Variants in SMCHD1 observed in about 807,000 individuals in gnomAD.
The protein encoded by SMCHD1 is structural maintenance of chromosomes flexible hinge domain-containing protein 1.
Under a neutral mutation model 254.7 loss-of-function variants are expected in SMCHD1, and 78 were observed. The ratio of observed to expected loss-of-function variants is 0.31; its 90% CI spans 0.26 to 0.37. The LOEUF is 0.37. Ranked by LOEUF, SMCHD1 falls within the 10% of genes least tolerant of loss-of-function variation. SMCHD1 has a pLI of 1.00. For synonymous variants in SMCHD1, 766 were observed against 794.9 expected (o/e 0.96, Z 0.61); for missense variants, 1,840 against 2,408.1 (o/e 0.76, Z 4.94).
At chr18:2,681,884 A>T (rs1431213149) in intron 5 of SMCHD1, among the ~76,000 whole-genome samples, 1 of 152,138 alleles carries the variant, frequency 6.6e-6, no homozygotes, top group Non-Finnish European at 1.5e-5. Context: ...ATGCTACATG[A>T]CCCATGCCGT....
chr18:2,748,629 G>A (rs1290063093), intron 30 of SMCHD1, among the ~76,000 whole-genome samples: 4 of 151,696 alleles, frequency 2.6e-5, no homozygotes, highest in East Asian at 1.9e-4. Context: ...TCTTGACCGC[G>A]GGTGATCCAC....
rs548868367 is a variant in SMCHD1 at position 2,681,222 on chromosome 18, G to C, written c.638+7077G>C. Among the ~76,000 whole-genome samples, 628 of 152,172 alleles carry C rather than the reference G, an allele frequency of 4.1e-3. 4 individuals are homozygous for C. Among genetic ancestry groups the C allele is most frequent in the African/African-American group, 0.015 (607 of 41,516 alleles). ...GAGGTCAGGAGTTCAAGACCAGCCT[G>C]GCCTTCATGGCGAAACGCTGTCTCT... On this transcript the variant is annotated intron_variant, in intron 5 of 47. Transcript: ENST00000320876.
intron 5 of SMCHD1, among the ~76,000 whole-genome samples, chr18:2,680,966 T>A (rs896191432): frequency 2.6e-5 from 4 of 152,158 alleles, no homozygotes; most frequent in African/African-American, 9.7e-5. Flanking sequence ...CAAACCCTTG[T>A]TAAGATATAG....
At chr18:2,789,206 ATTT>A (rs11356663) in intron 45 of SMCHD1, among the ~76,000 whole-genome samples, 2 of 143,936 alleles carry the variant, frequency 1.4e-5, no homozygotes, top group Admixed American at 6.9e-5. Flanking sequence ...TATTATTATT[ATTT>A]TTTTTTTTTT....
At chr18:2,748,276 T>TG (rs1385830780) in intron 30 of SMCHD1, among the ~76,000 whole-genome samples, 3 of 150,794 alleles carry the variant, frequency 2.0e-5, no homozygotes, top group African/African-American at 7.4e-5. Context: ...TGGGATCTAG[T>TG]GGCTGGTGCA....
chr18:2,706,437 C>A lies in SMCHD1; in HGVS notation c.2030C>A (p.Ala677Asp). The A allele has an allele frequency of 6.3e-7, 1 of 1,590,424 alleles. No individual in the cohort carries two copies. Among genetic ancestry groups the A allele is most frequent in the Non-Finnish European group, 8.6e-7 (1 of 1,167,862 alleles). Residue 677 changes from alanine to aspartate, a missense_variant, in exon 15 of 48, where the codon GCT (alanine) becomes GAT (aspartate). Physicochemically the swap from Ala to Asp is moderately radical, Grantham distance 126. Coordinates refer to ENST00000320876, the MANE Select transcript of SMCHD1 (RefSeq NM_015295.3). The stretch of plus-strand genomic sequence containing the variant: ...CTGGATAGGACAGTTGCTGAGAAAG[C>A]TGTTAAAAAATATGTAGAAGATGAA... ...AKLDRTVAEK[A>D]VKKYVEDEMA...
intron 15 of SMCHD1, chr18:2,706,695 G>A (rs1311657568): frequency 1.0e-5 from 4 of 387,070 alleles, no homozygotes; most frequent in South Asian, 7.3e-5. Flanking sequence ...TATATCTAAA[G>A]TGTCACTTTT....
intron 5 of SMCHD1, among the ~76,000 whole-genome samples, chr18:2,676,012 G>A (rs2073739673): frequency 6.6e-6 from 1 of 152,116 alleles, no homozygotes; most frequent in South Asian, 2.1e-4. Flanking sequence ...TCCATTATCA[G>A]TTCCTTGACC....
intron 34 of SMCHD1, among the ~76,000 whole-genome samples, chr18:2,755,850 A>G (rs949777503): frequency 2.6e-5 from 4 of 152,132 alleles, no homozygotes; most frequent in Admixed American, 1.3e-4. Context: ...TACAGGTGTG[A>G]ATCACCGCCC....
chr18:2,676,943 A>G (rs189423438), intron 5 of SMCHD1, among the ~76,000 whole-genome samples: 105 of 152,276 alleles, frequency 6.9e-4, no homozygotes, highest in African/African-American at 2.4e-3. Flanking sequence ...ATGCAACAAT[A>G]TTTAACATAA....
At chr18:2,661,166 A>G (rs906916290) in intron 1 of SMCHD1, among the ~76,000 whole-genome samples, 8 of 152,280 alleles carry the variant, frequency 5.3e-5, no homozygotes, top group African/African-American at 1.9e-4. Context: ...CATCACACAC[A>G]GGGACCTGTT....
At chr18:2,763,856 A>T (rs568491563) in intron 37 of SMCHD1, 67 bp downstream of exon 37, 11 of 1,426,756 alleles carry the variant, frequency 7.7e-6, no homozygotes, top group African/African-American at 1.5e-5. Context: ...CCATATTAAG[A>T]CACCTTTTCT....
intron 3 of SMCHD1, among the ~76,000 whole-genome samples, chr18:2,671,202 C>T (rs964406101): frequency 3.9e-5 from 6 of 152,056 alleles, no homozygotes; most frequent in Non-Finnish European, 8.8e-5. Flanking sequence ...TCCCAAAGTG[C>T]TGGGATTACA....
chr18:2,665,072 G>A (rs574566683), intron 1 of SMCHD1, among the ~76,000 whole-genome samples: 114 of 152,200 alleles, frequency 7.5e-4, no homozygotes, highest in Admixed American at 1.8e-3. Context: ...ATTACTACCC[G>A]AAACAGAAGC....
chr18:2,772,851 A>G (rs1216430399), intron 41 of SMCHD1, among the ~76,000 whole-genome samples: 2 of 152,284 alleles, frequency 1.3e-5, no homozygotes, highest in Non-Finnish European at 2.9e-5. Flanking sequence ...TGGCAGAGCC[A>G]GGGGTGAAAC....
chr18:2,663,193 C>T (rs982949153), intron 1 of SMCHD1, among the ~76,000 whole-genome samples: 2 of 152,148 alleles, frequency 1.3e-5, no homozygotes, highest in African/African-American at 4.8e-5. Context: ...GCAGCCTCGG[C>T]TTCCCAGGCT....
In SMCHD1 at chr18:2,689,384, A is replaced by AT. The variant is rs1391908145; in HGVS notation, c.873+645dup. Among the ~76,000 whole-genome samples the AT allele has an allele frequency of 2.6e-5, 4 of 150,984 alleles. No homozygotes were observed. In the South Asian group the frequency reaches 6.3e-4, roughly 24 times the overall value. ...AGGTGCCTGCCACCATGCCCTGCTA[A>AT]TTTTTTTTGTAGTTTTGGTAGAGAC... On this transcript the variant is annotated intron_variant, in intron 7 of 47. Coordinates refer to ENST00000320876, the MANE Select transcript of SMCHD1 (RefSeq NM_015295.3).
intron 29 of SMCHD1, among the ~76,000 whole-genome samples, chr18:2,745,733 A>G (rs1384823090): frequency 1.3e-5 from 2 of 152,226 alleles, no homozygotes; most frequent in Admixed American, 6.5e-5. Context: ...ATAAAAAATA[A>G]TGACAGCTTG....
intron 7 of SMCHD1, among the ~76,000 whole-genome samples, chr18:2,693,477 G>C (rs947570438): frequency 6.6e-6 from 1 of 152,150 alleles, no homozygotes; most frequent in African/African-American, 2.4e-5. Flanking sequence ...AAATATTTGT[G>C]TAGCTAAACA....
Sources: allele counts gnomAD v4.1 joint callset (sites outside exome capture counted in the v4.1 genomes callset), GRCh38; gene constraint gnomAD v4.1.1; transcripts MANE v1.5; gene names NCBI Gene and HGNC (gene_info 2026-07-23, HGNC 2026-07-21).